RBMS1: variants seen among roughly 807,000 people sequenced by gnomAD.
RBMS1 encodes RNA-binding motif, single-stranded-interacting protein 1.
RBMS1 carries 17 observed loss-of-function variants against 62.3 expected under a neutral mutation model. That is an observed-to-expected ratio of 0.27 (90% CI 0.19 to 0.41). The LOEUF is 0.41. Among genes scored for constraint, RBMS1 ranks in the 10% least tolerant of loss-of-function variants. The pLI is 1.00. For missense variants in RBMS1, 334 were observed against 504.5 expected (o/e 0.66, Z 3.24); for synonymous variants, 172 against 170.0 (o/e 1.01, Z -0.09).
At chr2:160,363,422 G>C (rs1320842983) in intron 2 of RBMS1, among the ~76,000 whole-genome samples, 1 of 152,128 alleles carries the variant, frequency 6.6e-6, no homozygotes, top group Non-Finnish European at 1.5e-5. Flanking sequence ...AAGCACAAAG[G>C]AGGCAAACAG....
chr2:160,444,091 A>G (rs1559557475), intron 1 of RBMS1, among the ~76,000 whole-genome samples: 1 of 152,244 alleles, frequency 6.6e-6, no homozygotes, highest in Admixed American at 6.5e-5. Context: ...TTCCACAGTA[A>G]TAAGGTCTAC....
intron 9 of RBMS1, chr2:160,282,739 G>T: frequency 6.4e-6 from 1 of 155,142 alleles, no homozygotes; most frequent in Non-Finnish European, 1.4e-5. Flanking sequence ...ACCTCTTTAG[G>T]GTCATGGAGC....
At chr2:160,474,859 C>T (rs1685060406) in intron 1 of RBMS1, among the ~76,000 whole-genome samples, 1 of 152,192 alleles carries the variant, frequency 6.6e-6, no homozygotes. Context: ...TCCATTAACT[C>T]AATGTCCTGC....
At chr2:160,445,261 C>G (rs757480572) in intron 1 of RBMS1, among the ~76,000 whole-genome samples, 2 of 152,086 alleles carry the variant, frequency 1.3e-5, no homozygotes, top group Non-Finnish European at 2.9e-5. Context: ...GACATGTTTA[C>G]TACATTGATC....
At chr2:160,446,145 A>G (rs1012662428) in intron 1 of RBMS1, among the ~76,000 whole-genome samples, 36 of 152,238 alleles carry the variant, frequency 2.4e-4, no homozygotes, top group African/African-American at 8.2e-4. Flanking sequence ...AATAACACCT[A>G]CCTTCAAAAA....
intron 1 of RBMS1, among the ~76,000 whole-genome samples, chr2:160,378,502 A>T (rs908281890): frequency 6.6e-6 from 1 of 152,008 alleles, no homozygotes; most frequent in East Asian, 1.9e-4. Flanking sequence ...GTGTCCAACT[A>T]CTGGGGAAGC....
At chr2:160,289,379 T>C (rs1688565792) in intron 6 of RBMS1, among the ~76,000 whole-genome samples, 1 of 152,234 alleles carries the variant, frequency 6.6e-6, no homozygotes, top group African/African-American at 2.4e-5. Context: ...GAAAACAAGC[T>C]TTTTAAGAAT....
At chr2:160,406,931 A>T (rs983840166) in intron 1 of RBMS1, among the ~76,000 whole-genome samples, 26 of 152,138 alleles carry the variant, frequency 1.7e-4, no homozygotes, top group Non-Finnish European at 2.8e-4. Flanking sequence ...TGCTACTGAA[A>T]ACCTTGAGAA....
At chr2:160,351,243 G>A (rs1052663726) in intron 2 of RBMS1, among the ~76,000 whole-genome samples, 1 of 151,726 alleles carries the variant, frequency 6.6e-6, no homozygotes. Context: ...AAGTTAATGG[G>A]TGCAGCACAC....
chr2:160,423,335 C>G (rs189541641), intron 1 of RBMS1, among the ~76,000 whole-genome samples: 7 of 128,624 alleles, frequency 5.4e-5, no homozygotes, highest in African/African-American at 2.0e-4. Flanking sequence ...TTCCAGTAAA[C>G]TAACTTGCTC....
chr2:160,440,512 G>A (rs1452950983), intron 1 of RBMS1, among the ~76,000 whole-genome samples: 8 of 152,132 alleles, frequency 5.3e-5, no homozygotes, highest in African/African-American at 1.9e-4. Context: ...TCCACTGGAT[G>A]AGGCATGAGG....
intron 1 of RBMS1, among the ~76,000 whole-genome samples, chr2:160,446,451 G>A (rs889894491): frequency 3.3e-5 from 5 of 152,154 alleles, no homozygotes; most frequent in Admixed American, 3.3e-4. Flanking sequence ...TAGTCAAGTA[G>A]GACACCTCTT....
intron 4 of RBMS1, among the ~76,000 whole-genome samples, chr2:160,311,357 TAGAA>T (rs1689904755): frequency 6.6e-6 from 1 of 151,402 alleles, no homozygotes; most frequent in African/African-American, 2.4e-5. Context: ...AACGGCTACT[TAGAA>T]AGGTGATTCC....
intron 1 of RBMS1, among the ~76,000 whole-genome samples, chr2:160,387,053 C>T (rs183037812): frequency 6.6e-6 from 1 of 152,310 alleles, no homozygotes; most frequent in African/African-American, 2.4e-5. Flanking sequence ...ACATGGTGTA[C>T]AAGTTGCTGC....
intron 1 of RBMS1, among the ~76,000 whole-genome samples, chr2:160,385,623 G>T (rs1012238115): frequency 3.0e-4 from 45 of 152,154 alleles, no homozygotes; most frequent in African/African-American, 1.1e-3. Flanking sequence ...AAACTTCCAG[G>T]ATGTGACGTG....
At chr2:160,275,525 TATG>T (rs1323274171) in intron 13 of RBMS1, 102 bp downstream of exon 13, 33 of 1,497,606 alleles carry the variant, frequency 2.2e-5, no homozygotes, top group Non-Finnish European at 2.9e-5. Flanking sequence ...ATTAAAGCAG[TATG>T]ATAAAATCCG....
At chr2:160,476,613 G>A (rs1458866540) in intron 1 of RBMS1, among the ~76,000 whole-genome samples, 2 of 141,960 alleles carry the variant, frequency 1.4e-5, no homozygotes, top group Non-Finnish European at 3.0e-5. Context: ...GGAGTGCAGT[G>A]GCGGGATCTC....
chr2:160,459,404 G>A (rs542608685), intron 1 of RBMS1, among the ~76,000 whole-genome samples: 132 of 152,058 alleles, frequency 8.7e-4, no homozygotes, highest in African/African-American at 1.6e-3. Flanking sequence ...TTTTAATAGC[G>A]CAAATTCTTA....
At chr2:160,346,114 G>A (rs1469063104) in intron 2 of RBMS1, among the ~76,000 whole-genome samples, 1 of 152,086 alleles carries the variant, frequency 6.6e-6, no homozygotes, top group African/African-American at 2.4e-5. Flanking sequence ...ATTTCTCCCA[G>A]GTATGCCCCT....
Sources: gnomAD v4.1 joint callset for allele counts (sites outside exome capture counted in the v4.1 genomes callset) on GRCh38, gnomAD v4.1.1 for gene constraint, MANE v1.5 for transcripts, NCBI Gene and HGNC (gene_info 2026-07-23, HGNC 2026-07-21) for gene names.